Variants in FGF12 observed in about 807,000 individuals in gnomAD.
FGF12 encodes fibroblast growth factor 12.
A neutral mutation model predicts 23.6 loss-of-function variants in FGF12; 14 were observed. The ratio of observed to expected loss-of-function variants is 0.59; its 90% confidence interval spans 0.39 to 0.93. FGF12 has a LOEUF of 0.93. FGF12 is among the 40% of genes least tolerant of loss of function. The pLI, the probability that FGF12 is intolerant of heterozygous loss-of-function variation, is 0.00. For missense variants in FGF12, 175 were observed against 217.8 expected (o/e 0.80, Z 1.24); for synonymous variants, 62 against 77.3 (o/e 0.80, Z 1.04).
chr3:192,628,135 A>T (rs1351358267), intron 2 of FGF12, among the ~76,000 whole-genome samples: 3 of 152,100 alleles, frequency 2.0e-5, no homozygotes, highest in Admixed American at 2.0e-4. Flanking sequence ...TTTTTCACTC[A>T]GTATAATTCC....
At chr3:192,217,167 T>C (rs1417690879) in intron 4 of FGF12, among the ~76,000 whole-genome samples, 1 of 152,184 alleles carries the variant, frequency 6.6e-6, no homozygotes, top group Non-Finnish European at 1.5e-5. Flanking sequence ...GGCCTTAGTT[T>C]CCTCATCCCT....
At chr3:192,477,206 G>A (rs1692123382) in intron 2 of FGF12, among the ~76,000 whole-genome samples, 1 of 152,180 alleles carries the variant, frequency 6.6e-6, no homozygotes, top group Non-Finnish European at 1.5e-5. Flanking sequence ...TCACAGGGAA[G>A]AAACTAGAGG....
chr3:192,671,776 AACACACAC>A (rs3044660), intron 2 of FGF12, among the ~76,000 whole-genome samples: 30 of 149,232 alleles, frequency 2.0e-4, no homozygotes, highest in South Asian at 6.4e-4. Context: ...CTTCTTGACC[AACACACAC>A]ACACACACAC....
At chr3:192,228,964 G>A (rs1006284807) in intron 4 of FGF12, among the ~76,000 whole-genome samples, 4 of 151,824 alleles carry the variant, frequency 2.6e-5, no homozygotes, top group Admixed American at 6.6e-5. Context: ...ATAATTTTCC[G>A]AGTTACATAT....
chr3:192,603,161 A>G (rs1714187620), intron 2 of FGF12, among the ~76,000 whole-genome samples: 1 of 152,164 alleles, frequency 6.6e-6, no homozygotes, highest in Non-Finnish European at 1.5e-5. Context: ...CCTATTCAAT[A>G]TAGTGCTGGA....
intron 2 of FGF12, among the ~76,000 whole-genome samples, chr3:192,724,127 G>C: frequency 6.6e-6 from 1 of 150,562 alleles, no homozygotes. Context: ...AAGGAAGGAA[G>C]GAGGAAAGGA....
intron 2 of FGF12, among the ~76,000 whole-genome samples, chr3:192,667,602 C>A: frequency 9.5e-6 from 1 of 104,958 alleles, no homozygotes; most frequent in Non-Finnish European, 1.8e-5. Context: ...CAGAGCGAGA[C>A]TCCGTAAAAA....
Position 192,408,612 on chromosome 3 carries a change from A to G in FGF12, c.14-48074T>C. On this transcript the variant is annotated intron_variant, in intron 2 of 5. Transcript: ENST00000445105. The surrounding 1 kb of genome is among the most constrained non-coding windows in gnomAD (Gnocchi z 7.3). ...AGTGGAAGGGGAAGAACGATGCCCAAAATAACAAGACGTGCCTCTGTTGGA... is the reference window on the plus strand; with the variant it reads ...AGTGGAAGGGGAAGAACGATGCCCAGAATAACAAGACGTGCCTCTGTTGGA... 1.9e-6 allele frequency: 2 copies of G among 1,048,174 alleles called. No homozygotes were observed. Among genetic ancestry groups the G allele is most frequent in the Non-Finnish European group, 2.3e-6 (2 of 870,014 alleles). 64.9% of individuals were successfully genotyped at this position (1,048,174 alleles called of 1,614,324 possible).
intron 5 of FGF12, among the ~76,000 whole-genome samples, chr3:192,162,709 C>CTATT (rs567721659): frequency 1.2e-3 from 178 of 152,158 alleles, no homozygotes; most frequent in African/African-American, 4.2e-3. Flanking sequence ...GCATTTATTT[C>CTATT]TATTTCCAGT....
chr3:192,339,970 TA>T (rs1717616595), intron 3 of FGF12, among the ~76,000 whole-genome samples: 1 of 152,154 alleles, frequency 6.6e-6, no homozygotes, highest in Non-Finnish European at 1.5e-5. Flanking sequence ...CTTTTTAAGA[TA>T]AAAATGAAAT....
At chr3:192,461,726 T>G (rs1053110089) in intron 2 of FGF12, among the ~76,000 whole-genome samples, 1 of 152,110 alleles carries the variant, frequency 6.6e-6, no homozygotes, top group Non-Finnish European at 1.5e-5. Flanking sequence ...CGGTGGCTCA[T>G]ACCTGTAATC....
chr3:192,168,679 A>T (rs571816446), intron 5 of FGF12, among the ~76,000 whole-genome samples: 2 of 152,286 alleles, frequency 1.3e-5, no homozygotes, highest in South Asian at 4.1e-4. Context: ...ATTCATTCAC[A>T]TGTTCACTTT....
chr3:192,681,867 G>T (rs906577344), intron 2 of FGF12, among the ~76,000 whole-genome samples: 1 of 152,080 alleles, frequency 6.6e-6, no homozygotes, highest in Non-Finnish European at 1.5e-5. Context: ...CATGCTGAGG[G>T]TCACCATAGA....
In FGF12 at chr3:192,392,599, A is replaced by T. The variant is rs865814804; in HGVS notation, c.14-32061T>A. 1.4e-3 allele frequency among the ~76,000 whole-genome samples: 114 copies of T among 81,202 alleles called. 3 individuals are homozygous for T. Among genetic ancestry groups the T allele is most frequent in the South Asian group, 0.014 (18 of 1,312 alleles). The allele number at this position is 81,202 out of a possible 152,430, so 53.3% of individuals were successfully genotyped here. On this transcript the variant is annotated intron_variant, in intron 2 of 5. Transcript: ENST00000445105. ...CAACAAAAGTGAAACTCCGAGAGAG[A>T]GAGAGAGAGAGAGAGAGAGAGAGAG... is the stretch of plus-strand genomic sequence containing the variant.
chr3:192,669,602 TAAAAAAAAAAA>T lies in FGF12; in HGVS notation c.13+57568_13+57578del, dbSNP rs59897483. 4.5e-4 allele frequency among the ~76,000 whole-genome samples: 27 copies of T among 59,528 alleles called. 1 individual carries two copies. The highest frequency in any genetic ancestry group is 1.2e-3 in the Admixed American group (5 of 4,008). 39.1% of individuals were successfully genotyped at this position (59,528 alleles called of 152,430 possible). On this transcript the variant is annotated intron_variant, in intron 2 of 5. Transcript: ENST00000445105. ...CTGGAGACAGAGAAAGACTCTGTCT[TAAAAAAAAAAA>T]AAAAAAAAAAAAAAAAAAAATTGGT...
chr3:192,197,103 T>C (rs1300104594), intron 4 of FGF12, among the ~76,000 whole-genome samples: 1 of 152,262 alleles, frequency 6.6e-6, no homozygotes, highest in African/African-American at 2.4e-5. Flanking sequence ...ACTGTTCCTA[T>C]TGATTGCTTA....
intron 2 of FGF12, among the ~76,000 whole-genome samples, chr3:192,530,761 A>G (rs1167677753): frequency 6.6e-6 from 1 of 152,162 alleles, no homozygotes; most frequent in African/African-American, 2.4e-5. Flanking sequence ...TACATATACT[A>G]AGAACCACTG....
rs1713322222 is a variant in FGF12 at position 192,140,721 on chromosome 3, C to T, written c.*3288G>A. ...TTAGAATGAGGCCCATAAAGCATCA[C>T]ATTGCATTACATTGATATCTCTTTA... On this transcript the variant is annotated 3_prime_UTR_variant, in exon 6 of 6. Coordinates refer to ENST00000445105, the MANE Select transcript of FGF12 (RefSeq NM_004113.6). The T allele has an allele frequency of 6.6e-6, 1 of 151,946 alleles. No individual in the cohort carries two copies. The highest frequency in any genetic ancestry group is 1.5e-5 in the Non-Finnish European group (1 of 67,880). 9.4% of individuals were successfully genotyped at this position (151,946 alleles called of 1,614,324 possible).
At chr3:192,473,138 G>A (rs905018238) in intron 2 of FGF12, among the ~76,000 whole-genome samples, 3 of 152,236 alleles carry the variant, frequency 2.0e-5, no homozygotes, top group Non-Finnish European at 4.4e-5. Context: ...CTTAGGTTGT[G>A]TTCAATTTAT....
Sources: gnomAD v4.1 joint callset for allele counts (sites outside exome capture counted in the v4.1 genomes callset) on GRCh38, gnomAD v4.1.1 for gene constraint, Gnocchi (gnomAD v3.1) non-coding constraint, MANE v1.5 for transcripts, NCBI Gene and HGNC (gene_info 2026-07-23, HGNC 2026-07-21) for gene names.